RNF130: variants seen among roughly 807,000 people sequenced by gnomAD.
RNF130 encodes the protein ring finger protein 130.
RNF130 carries 21 observed loss-of-function variants against 44.6 expected under a neutral mutation model. The ratio of observed to expected loss-of-function variants is 0.47; its 90% confidence interval spans 0.33 to 0.68. The LOEUF is 0.68. RNF130 is among the 30% of genes least tolerant of loss of function. RNF130 has a pLI of 0.02. For missense variants in RNF130, 479 were observed against 560.6 expected, an observed-to-expected ratio of 0.85 and a Z score of 1.47; for synonymous variants, 214 against 210.4, an observed-to-expected ratio of 1.02 and a Z score of -0.15.
exon 8 of RNF130, chr5:179,913,797 G>GCTAGT (rs2113664874): frequency 6.6e-6 from 1 of 152,454 alleles, no homozygotes; most frequent in African/African-American, 2.4e-5. Flanking sequence ...GCCTCAGGAG[G>GCTAGT]CTAGTGTGAC....
intron 1 of RNF130, among the ~76,000 whole-genome samples, chr5:180,045,534 A>G (rs1476001056): frequency 6.6e-6 from 1 of 152,234 alleles, no homozygotes; most frequent in Non-Finnish European, 1.5e-5. Flanking sequence ...GGACCTCTGC[A>G]CGTTGCCGCT....
chr5:179,914,128 G>C (rs1761506874), exon 8 of RNF130: 1 of 152,286 alleles, frequency 6.6e-6, no homozygotes, highest in Admixed American at 6.5e-5. Flanking sequence ...AAAGGAGGGT[G>C]TGTCGAAGCT....
intron 7 of RNF130, among the ~76,000 whole-genome samples, chr5:179,947,842 CTATTA>C (rs1287603678): frequency 1.3e-5 from 2 of 151,980 alleles, no homozygotes; most frequent in Non-Finnish European, 2.9e-5. Flanking sequence ...ACACAATATG[CTATTA>C]TATATTATAC....
intron 1 of RNF130, among the ~76,000 whole-genome samples, chr5:180,051,501 T>C (rs1227816045): frequency 6.6e-6 from 1 of 152,126 alleles, no homozygotes; most frequent in African/African-American, 2.4e-5. Context: ...CCTCCCAAAG[T>C]GCTGGGATTA....
intron 3 of RNF130, among the ~76,000 whole-genome samples, chr5:179,984,394 A>C (rs1225944336): frequency 7.2e-5 from 11 of 152,206 alleles, no homozygotes; most frequent in Admixed American, 7.2e-4. Context: ...TTCACCATTA[A>C]ATATAATGGT....
intron 5 of RNF130, among the ~76,000 whole-genome samples, chr5:179,972,517 C>T (rs989014981): frequency 1.4e-4 from 21 of 151,830 alleles, no homozygotes; most frequent in Non-Finnish European, 4.4e-5. Context: ...GGAGGCATCC[C>T]GCTGGGGGTC....
intron 7 of RNF130, 193 bp from the exon 8 acceptor site, chr5:179,963,757 T>C: frequency 1.7e-6 from 1 of 585,564 alleles, no homozygotes. Context: ...TGGTGAAAGC[T>C]GCAAGGGAGA....
rs142317753 is a variant in RNF130, at chr5:179,936,132, C to G, written c.1151-15706G>C. 5.3e-5 allele frequency among the ~76,000 whole-genome samples: 8 copies of G among 152,258 alleles called. No homozygotes were observed. The East Asian group carries it at 1.5e-3, about 29-fold the overall frequency. ...ATGTCTTATTTCATCTTTCTTTTCT[C>G]TTATCTTGAGACAGGGTCTCGCTCT... On this transcript the variant is annotated intron_variant, in intron 7 of 7. Transcript: ENST00000522208.
intron 7 of RNF130, among the ~76,000 whole-genome samples, chr5:179,944,432 C>A (rs1399513215): frequency 6.6e-6 from 1 of 151,994 alleles, no homozygotes; most frequent in Non-Finnish European, 1.5e-5. Flanking sequence ...ATCTCCTTAA[C>A]GGAATTAACG....
At chr5:180,054,383 C>G (rs1258318104) in intron 1 of RNF130, among the ~76,000 whole-genome samples, 2 of 152,216 alleles carry the variant, frequency 1.3e-5, no homozygotes, top group Non-Finnish European at 2.9e-5. Context: ...TGTCACCCTC[C>G]AGGCCAGGGT....
chr5:180,033,288 T>G (rs1232910122), intron 2 of RNF130, among the ~76,000 whole-genome samples: 8 of 152,218 alleles, frequency 5.3e-5, no homozygotes, highest in Non-Finnish European at 1.2e-4. Context: ...GGCTGAGATT[T>G]TCTTGAATTT....
chr5:179,950,117 C>CT (rs567354043), downstream of RNF130, among the ~76,000 whole-genome samples: 24 of 150,538 alleles, frequency 1.6e-4, no homozygotes, highest in East Asian at 5.8e-4. Context: ...TATTAAATAA[C>CT]TTTTTTTTTT....
Position 179,970,170 on chromosome 5 carries a change from GA to G in RNF130, c.945+239del, listed in dbSNP as rs879830210. On this transcript the variant is annotated intron_variant, in intron 6 of 8. Coordinates refer to ENST00000521389, the MANE Select transcript of RNF130 (RefSeq NM_018434.6). ...TCCTTGTCTCTTAAATTTAAAAAAAGAAAAAAAAAGGCCTAGTAGAGTTATT... is the reference window on the plus strand; with the variant it reads ...TCCTTGTCTCTTAAATTTAAAAAAAGAAAAAAAAGGCCTAGTAGAGTTATT... 5.3e-5 allele frequency among the ~76,000 whole-genome samples: 8 copies of G among 149,720 alleles called. No individual in the cohort carries two copies. The South Asian group carries it at 8.4e-4, about 16-fold the overall frequency.
chr5:180,049,272 G>T (rs76045688), intron 1 of RNF130, among the ~76,000 whole-genome samples: 368 of 152,296 alleles, frequency 2.4e-3, no homozygotes, highest in African/African-American at 8.4e-3. Context: ...GAGCTATTTG[G>T]GAGTGGAGAG....
chr5:180,008,788 G>A (rs1192373922), intron 3 of RNF130, among the ~76,000 whole-genome samples: 1 of 152,050 alleles, frequency 6.6e-6, no homozygotes, highest in Non-Finnish European at 1.5e-5. Context: ...GGAGGCAGAG[G>A]TCAGAGAATC....
chr5:180,071,691 C>T lies in RNF130; in HGVS notation c.12G>A (p.Ala4=), dbSNP rs750693660. The T allele has an allele frequency of 1.5e-6, 2 of 1,378,516 alleles. No homozygotes were observed. The highest frequency in any genetic ancestry group is 3.2e-5 in the South Asian group (2 of 62,574). The allele number at this position is 1,378,516 out of a possible 1,614,324, so 85.4% of individuals were successfully genotyped here. Residue 4 remains alanine, a synonymous_variant, in exon 1 of 9, where the codon GCG becomes GCA. Transcript: ENST00000521389. MSC[A]GRAGPARLAA... is the part of the protein sequence containing the mutation. ...CGAGCCGGGCAGGGCCCGCCCGCCCCGCGCAGCTCATCGTCCCTCCGGCAG... is the reference window on the plus strand; with the variant it reads ...CGAGCCGGGCAGGGCCCGCCCGCCCTGCGCAGCTCATCGTCCCTCCGGCAG...
intron 3 of RNF130, among the ~76,000 whole-genome samples, chr5:179,984,776 C>G (rs1045152864): frequency 1.3e-5 from 2 of 152,086 alleles, no homozygotes; most frequent in African/African-American, 4.8e-5. Flanking sequence ...GTATTCCTGC[C>G]TTTTCCATAT....
intron 2 of RNF130, among the ~76,000 whole-genome samples, chr5:180,035,650 G>T (rs938610875): frequency 6.6e-6 from 1 of 152,160 alleles, no homozygotes; most frequent in South Asian, 2.1e-4. Flanking sequence ...TTCCCATTCT[G>T]TCAGTTTTTG....
At chr5:179,945,524 C>G (rs1376031219) in intron 7 of RNF130, among the ~76,000 whole-genome samples, 2 of 152,164 alleles carry the variant, frequency 1.3e-5, no homozygotes, top group Non-Finnish European at 2.9e-5. Flanking sequence ...CACAGTGCTA[C>G]GTTGCTGTTA....
Sources: gnomAD v4.1 joint callset for allele counts (sites outside exome capture counted in the v4.1 genomes callset) on GRCh38, gnomAD v4.1.1 for gene constraint, MANE v1.5 for transcripts, NCBI Gene and HGNC (gene_info 2026-07-23, HGNC 2026-07-21) for gene names.